Variants in CEBPG observed in about 807,000 individuals in gnomAD.
The protein encoded by CEBPG is CCAAT enhancer binding protein gamma, also known as CCAAT/enhancer-binding protein gamma.
A neutral mutation model predicts 11.1 loss-of-function variants in CEBPG; 6 were observed. That is an observed-to-expected ratio of 0.54 (90% CI 0.30 to 1.07). The LOEUF (loss-of-function observed/expected upper bound fraction) is 1.07, where lower values mean the gene tolerates loss of function less well. CEBPG is among the 50% of genes least tolerant of loss of function. The pLI is 0.07. For synonymous variants in CEBPG, 66 were observed against 71.0 expected (o/e 0.93, Z 0.36); for missense variants, 161 against 187.4 (o/e 0.86, Z 0.82).
At chr19:33,378,461 T>A (rs1027762255) in intron 1 of CEBPG, among the ~76,000 whole-genome samples, 9 of 152,186 alleles carry the variant, frequency 5.9e-5, no homozygotes, top group African/African-American at 2.2e-4. Context: ...AAAAACACAC[T>A]TTTTACAAGC....
At chr19:33,374,848 T>C (rs1201762020) in intron 1 of CEBPG, among the ~76,000 whole-genome samples, 1 of 152,232 alleles carries the variant, frequency 6.6e-6, no homozygotes, top group Non-Finnish European at 1.5e-5. Context: ...ATGAATAGGT[T>C]GTCACTTAAG....
Position 33,381,311 on chromosome 19 carries a change from C to T in CEBPG, c.*1619C>T, listed in dbSNP as rs74790058. On this transcript the variant is annotated 3_prime_UTR_variant, in exon 2 of 2. Coordinates refer to ENST00000284000, the MANE Select transcript of CEBPG (RefSeq NM_001806.4). ...CTCCGGTTGGTGGAAGATTGCTGAC[C>T]GTGCCGTTTCTGGGCAGGAGAAGAC... is the stretch of plus-strand genomic sequence containing the variant. 7.3e-3 allele frequency: 1,226 copies of T among 167,146 alleles called. 13 individuals are homozygous for T. Among genetic ancestry groups the T allele is most frequent in the African/African-American group, 0.027 (1,141 of 41,546 alleles). 10.4% of individuals were successfully genotyped at this position (167,146 alleles called of 1,614,324 possible). A position where few individuals can be genotyped will look rare whatever the true frequency, so the allele number is the denominator to read the frequency against.
At chr19:33,376,349 C>T (rs910180330) in intron 1 of CEBPG, among the ~76,000 whole-genome samples, 1 of 152,152 alleles carries the variant, frequency 6.6e-6, no homozygotes, top group Non-Finnish European at 1.5e-5. Context: ...GTGTGACTGA[C>T]GTGAATGAAC....
intron 1 of CEBPG, among the ~76,000 whole-genome samples, chr19:33,376,320 C>T (rs1568437355): frequency 6.6e-6 from 1 of 152,146 alleles, no homozygotes; most frequent in Non-Finnish European, 1.5e-5. Flanking sequence ...TTTACTCATT[C>T]TAACATTCTG....
intron 1 of CEBPG, among the ~76,000 whole-genome samples, chr19:33,378,213 G>A (rs984240963): frequency 6.6e-6 from 1 of 152,146 alleles, no homozygotes; most frequent in Admixed American, 6.5e-5. Flanking sequence ...TTTCGAAACC[G>A]TGCCTTCATT....
In CEBPG at chr19:33,374,845, G is replaced by C. The variant is rs1600061742; in HGVS notation, c.-97+950G>C. On this transcript the variant is annotated intron_variant, in intron 1 of 1. Coordinates refer to ENST00000284000, the MANE Select transcript of CEBPG (RefSeq NM_001806.4). Reference sequence around the variant, plus strand: ...TCAGAATTGACTGCTTATATGAATAGGTTGTCACTTAAGGCAGACTTCTCC... The same window carrying C: ...TCAGAATTGACTGCTTATATGAATACGTTGTCACTTAAGGCAGACTTCTCC... Among the ~76,000 whole-genome samples, 3 of 152,218 alleles carry C rather than the reference G, an allele frequency of 2.0e-5. No homozygotes were observed. The South Asian group carries it at 6.2e-4, about 32-fold the overall frequency.
chr19:33,382,667 AAAC>A lies in CEBPG; in HGVS notation c.*2979_*2981del, dbSNP rs1192354760. ...TTTCTTTCAACAAATATAAAATAAA[AAAC>A]AACTTTGGAACAATGACTTGTCTTT... On this transcript the variant is annotated 3_prime_UTR_variant, in exon 2 of 2. Coordinates refer to ENST00000284000, the MANE Select transcript of CEBPG (RefSeq NM_001806.4). 3 of 166,024 alleles carry A rather than the reference AAAC, an allele frequency of 1.8e-5. No homozygotes were observed. Among genetic ancestry groups the A allele is most frequent in the African/African-American group, 7.2e-5 (3 of 41,452 alleles). The allele number at this position is 166,024 out of a possible 1,614,324, so 10.3% of individuals were successfully genotyped here.
In CEBPG at chr19:33,373,766, G is replaced by C. The variant is rs1182849095; in HGVS notation, c.-226G>C. 6.6e-6 allele frequency: 1 copy of C among 151,540 alleles called. No homozygotes were observed. Among genetic ancestry groups the C allele is most frequent in the Non-Finnish European group, 1.5e-5 (1 of 67,900 alleles). The allele number at this position is 151,540 out of a possible 1,614,324, so 9.4% of individuals were successfully genotyped here. On this transcript the variant is annotated 5_prime_UTR_variant, in exon 1 of 2. Transcript: ENST00000284000. ...GGCCGCGGCTGCGGAACGGGCGGAG[G>C]CTGCCGGTTTCGTAACCGTCGCTCC... is the stretch of plus-strand genomic sequence containing the variant.
rs1002778250 is a variant in CEBPG, at chr19:33,379,125, C to T, written c.-96-19C>T. 7 of 848,780 alleles carry T rather than the reference C, an allele frequency of 8.2e-6. No individual in the cohort carries two copies. The highest frequency in any genetic ancestry group is 1.2e-5 in the Non-Finnish European group (7 of 566,184). The allele number at this position is 848,780 out of a possible 1,614,324, so 52.6% of individuals were successfully genotyped here. ...TCCTGTCATTTCAAATATTTTAATG[C>T]AATTTATTTTTTAACTAGGTACATG... On this transcript the variant is annotated intron_variant, in intron 1 of 1. Coordinates refer to ENST00000284000, the MANE Select transcript of CEBPG (RefSeq NM_001806.4).
rs1271936460 is a variant in CEBPG at position 33,381,098 on chromosome 19, T to C, written c.*1406T>C. 1 of 167,092 alleles carries C rather than the reference T, an allele frequency of 6.0e-6. No homozygotes were observed. Among genetic ancestry groups the C allele is most frequent in the African/African-American group, 2.4e-5 (1 of 41,462 alleles). The allele number at this position is 167,092 out of a possible 1,614,324, so 10.4% of individuals were successfully genotyped here. A position where few individuals can be genotyped will look rare whatever the true frequency, so the allele number is the denominator to read the frequency against. Reference sequence around the variant, plus strand: ...GCTTTCTTTTCTTTCTCTTTTTTTCTTAGCACAGTTCTAGCTCAAATTTGT... The same window carrying C: ...GCTTTCTTTTCTTTCTCTTTTTTTCCTAGCACAGTTCTAGCTCAAATTTGT... On this transcript the variant is annotated 3_prime_UTR_variant, in exon 2 of 2. Coordinates refer to ENST00000284000, the MANE Select transcript of CEBPG (RefSeq NM_001806.4).
chr19:33,377,179 G>A (rs1967921659), intron 1 of CEBPG, among the ~76,000 whole-genome samples: 6 of 152,206 alleles, frequency 3.9e-5, no homozygotes, highest in Admixed American at 2.0e-4. Context: ...ACCCTGTAGT[G>A]AGTAAGAGCT....
chr19:33,379,779 G>T lies in CEBPG; in HGVS notation c.*87G>T. The T allele has an allele frequency of 2.3e-6, 3 of 1,280,900 alleles. No homozygotes were observed. Among genetic ancestry groups the T allele is most frequent in the Non-Finnish European group, 3.2e-6 (3 of 934,012 alleles). The allele number at this position is 1,280,900 out of a possible 1,614,324, so 79.3% of individuals were successfully genotyped here. A position where few individuals can be genotyped will look rare whatever the true frequency, so the allele number is the denominator to read the frequency against. ...CCACTCATGTCAATGGCTGAAAGTT[G>T]TCCATTTCCATGACTCAAAGACCCA... On this transcript the variant is annotated 3_prime_UTR_variant, in exon 2 of 2. Coordinates refer to ENST00000284000, the MANE Select transcript of CEBPG (RefSeq NM_001806.4).
rs1395199451 is a variant in CEBPG, at chr19:33,381,794, A to C, written c.*2102A>C. 1 of 167,114 alleles carries C rather than the reference A, an allele frequency of 6.0e-6. No homozygotes were observed. Among genetic ancestry groups the C allele is most frequent in the African/African-American group, 2.4e-5 (1 of 41,466 alleles). The allele number at this position is 167,114 out of a possible 1,614,324, so 10.4% of individuals were successfully genotyped here. A position where few individuals can be genotyped will look rare whatever the true frequency, so the allele number is the denominator to read the frequency against. On this transcript the variant is annotated 3_prime_UTR_variant, in exon 2 of 2. Transcript: ENST00000284000. Reference sequence around the variant, plus strand: ...CAGGGGTGTGTACTCAGTATTTCAAATCAGAACACAAGATTGGAACTTTTG... The same window carrying C: ...CAGGGGTGTGTACTCAGTATTTCAACTCAGAACACAAGATTGGAACTTTTG...
rs1221484357 is a variant in CEBPG at position 33,382,379 on chromosome 19, T to G, written c.*2687T>G. 3 of 167,138 alleles carry G rather than the reference T, an allele frequency of 1.8e-5. No individual in the cohort carries two copies. The highest frequency in any genetic ancestry group is 7.2e-5 in the African/African-American group (3 of 41,466). 10.4% of individuals were successfully genotyped at this position (167,138 alleles called of 1,614,324 possible). A position where few individuals can be genotyped will look rare whatever the true frequency, so the allele number is the denominator to read the frequency against. The stretch of plus-strand genomic sequence containing the variant: ...GTATAGACAGTTTAACATTTGGTAT[T>G]AAAGGAGAGGAAATTGTAGCAGCTT... On this transcript the variant is annotated 3_prime_UTR_variant, in exon 2 of 2. Coordinates refer to ENST00000284000, the MANE Select transcript of CEBPG (RefSeq NM_001806.4).
rs919769274 is a variant in CEBPG, at chr19:33,373,797, G to T, written c.-195G>T. ...GGTTTCGTAACCGTCGCTCCTCCTC[G>T]CTGACTCGCGGGCTGTGAGGCCTGG... On this transcript the variant is annotated 5_prime_UTR_variant, in exon 1 of 2. Transcript: ENST00000284000. 2 of 151,540 alleles carry T rather than the reference G, an allele frequency of 1.3e-5. No homozygotes were observed. Among genetic ancestry groups the T allele is most frequent in the African/African-American group, 4.8e-5 (2 of 41,318 alleles). The allele number at this position is 151,540 out of a possible 1,614,324, so 9.4% of individuals were successfully genotyped here. A position where few individuals can be genotyped will look rare whatever the true frequency, so the allele number is the denominator to read the frequency against.
intron 1 of CEBPG, among the ~76,000 whole-genome samples, chr19:33,378,313 A>C (rs1419122519): frequency 6.6e-6 from 1 of 152,242 alleles, no homozygotes; most frequent in Non-Finnish European, 1.5e-5. Context: ...GGCCACAGGC[A>C]CGGCAGCTGC....
Position 33,379,849 on chromosome 19 carries a change from A to G in CEBPG, c.*157A>G, listed in dbSNP as rs1021042326. 2.6e-5 allele frequency: 16 copies of G among 619,466 alleles called. No individual in the cohort carries two copies. Among genetic ancestry groups the G allele is most frequent in the African/African-American group, 9.3e-5 (5 of 53,964 alleles). 38.4% of individuals were successfully genotyped at this position (619,466 alleles called of 1,614,324 possible). ...ATCAGCACTGAAGAGTTGATTAGCT[A>G]AAAATGTTAGCCTTGTAATTCGAAT... On this transcript the variant is annotated 3_prime_UTR_variant, in exon 2 of 2. Coordinates refer to ENST00000284000, the MANE Select transcript of CEBPG (RefSeq NM_001806.4).
In CEBPG at chr19:33,375,987, T is replaced by G. The variant is rs533848696; in HGVS notation, c.-97+2092T>G. 1.4e-4 allele frequency among the ~76,000 whole-genome samples: 21 copies of G among 152,218 alleles called. No individual in the cohort carries two copies. The East Asian group carries it at 4.1e-3, about 29-fold the overall frequency. On this transcript the variant is annotated intron_variant, in intron 1 of 1. Coordinates refer to ENST00000284000, the MANE Select transcript of CEBPG (RefSeq NM_001806.4). ...GGAAGCAGGCTAGACCAGAGACCAG[T>G]GTCCCTGAGAGATGATAGTGGCCTA... is the stretch of plus-strand genomic sequence containing the variant.
chr19:33,379,459 A>G lies in CEBPG; in HGVS notation c.220A>G (p.Met74Val). The G allele has an allele frequency of 1.2e-6, 2 of 1,614,180 alleles. No individual in the cohort carries two copies. Among genetic ancestry groups the G allele is most frequent in the African/African-American group, 1.3e-5 (1 of 75,050 alleles). The part of the protein sequence containing the change: ...EYRQRRERNN[M>V]AVKKSRLKSK... ...TCGGCAACGCCGAGAGAGGAACAACATGGCTGTGAAAAAGAGCCGGTTGAA... is the reference window on the plus strand; with the variant it reads ...TCGGCAACGCCGAGAGAGGAACAACGTGGCTGTGAAAAAGAGCCGGTTGAA... Residue 74 changes from methionine to valine, a missense_variant, in exon 2 of 2, where the codon ATG (methionine) becomes GTG (valine). Physicochemically the swap from Met to Val is conservative, Grantham distance 21. Transcript: ENST00000284000.
Sources: allele counts gnomAD v4.1 joint callset (sites outside exome capture counted in the v4.1 genomes callset), GRCh38; gene constraint gnomAD v4.1.1; transcripts MANE v1.5; gene names NCBI Gene and HGNC (gene_info 2026-07-23, HGNC 2026-07-21).